Variants in KCND2 observed in about 807,000 individuals in gnomAD.
KCND2 encodes the protein potassium voltage-gated channel subfamily D member 2.
KCND2 carries 16 observed loss-of-function variants against 54.4 expected under a neutral mutation model. The observed-to-expected ratio is 0.29, with a 90% confidence interval of 0.20 to 0.45. The LOEUF (loss-of-function observed/expected upper bound fraction) is 0.45. Among genes scored for constraint, KCND2 ranks in the 20% least tolerant of loss-of-function variants. The probability of loss-of-function intolerance (pLI) is 1.00; values close to 1 mark genes in which losing one functional copy is unlikely to be tolerated. For missense variants in KCND2, 486 were observed against 824.2 expected, an observed-to-expected ratio of 0.59 and a Z score of 5.02; for synonymous variants, 317 against 310.7, an observed-to-expected ratio of 1.02 and a Z score of -0.21.
chr7:120,632,028 C>T (rs779288587), intron 1 of KCND2, among the ~76,000 whole-genome samples: 6 of 152,094 alleles, frequency 3.9e-5, no homozygotes, highest in Non-Finnish European at 7.4e-5. Flanking sequence ...AGGTTCTTGT[C>T]ATTACTCTAA....
chr7:120,677,611 G>A (rs1046923043), intron 1 of KCND2, among the ~76,000 whole-genome samples: 3 of 150,708 alleles, frequency 2.0e-5, no homozygotes, highest in African/African-American at 7.3e-5. Flanking sequence ...TAATTTAACT[G>A]TTACTTTAAA....
chr7:120,340,554 G>A (rs1200735993), intron 1 of KCND2, among the ~76,000 whole-genome samples: 1 of 152,184 alleles, frequency 6.6e-6, no homozygotes, highest in Non-Finnish European at 1.5e-5. Flanking sequence ...TAATAACGTG[G>A]TTAGAAGAGA....
chr7:120,706,212 T>A (rs1792466630), intron 1 of KCND2, among the ~76,000 whole-genome samples: 1 of 152,162 alleles, frequency 6.6e-6, no homozygotes, highest in Non-Finnish European at 1.5e-5. Flanking sequence ...CAGGGTTGGA[T>A]ACAGCTTTTG....
intron 1 of KCND2, among the ~76,000 whole-genome samples, chr7:120,396,579 T>A (rs1801158487): frequency 1.3e-5 from 2 of 152,044 alleles, no homozygotes; most frequent in South Asian, 4.1e-4. Flanking sequence ...TTATTATTTG[T>A]GAGTTTCTAC....
intron 1 of KCND2, among the ~76,000 whole-genome samples, chr7:120,423,270 C>T (rs1026390919): frequency 3.3e-5 from 5 of 152,176 alleles, no homozygotes; most frequent in Admixed American, 6.5e-5. Context: ...TGATTAGTCT[C>T]GTTGCCTTCT....
intron 1 of KCND2, chr7:120,464,120 A>C (rs1802331465): frequency 1.0e-6 from 1 of 969,148 alleles, no homozygotes; most frequent in Non-Finnish European, 1.2e-6. Context: ...CCCCCTAGCT[A>C]TCATTTAGAC....
At chr7:120,340,802 T>A (rs1232975311) in intron 1 of KCND2, among the ~76,000 whole-genome samples, 1 of 152,148 alleles carries the variant, frequency 6.6e-6, no homozygotes, top group African/African-American at 2.4e-5. Flanking sequence ...TGGTCAACAC[T>A]CTCTAGCTAT....
chr7:120,435,200 G>A (rs149912438), intron 1 of KCND2, among the ~76,000 whole-genome samples: 4,463 of 151,512 alleles, frequency 0.029, 189 homozygotes, highest in African/African-American at 0.1. Flanking sequence ...ACCACCTCCC[G>A]GGTTCAAGTG....
At chr7:120,326,663 A>G (rs982018417) in intron 1 of KCND2, among the ~76,000 whole-genome samples, 3 of 152,122 alleles carry the variant, frequency 2.0e-5, no homozygotes, top group African/African-American at 7.2e-5. Flanking sequence ...CAAAATAAAT[A>G]TTAATATTTT....
chr7:120,360,183 A>G (rs1451206409), intron 1 of KCND2, among the ~76,000 whole-genome samples: 1 of 152,108 alleles, frequency 6.6e-6, no homozygotes, highest in Admixed American at 6.6e-5. Flanking sequence ...GCTCATTTTC[A>G]CTAAAAATTA....
intron 1 of KCND2, among the ~76,000 whole-genome samples, chr7:120,365,254 G>C (rs989326669): frequency 3.3e-4 from 50 of 151,622 alleles, no homozygotes; most frequent in African/African-American, 1.2e-3. Context: ...AGGGACGGGC[G>C]AGCTAATTCA....
chr7:120,588,219 G>T (rs1263072687), intron 1 of KCND2, among the ~76,000 whole-genome samples: 1 of 151,980 alleles, frequency 6.6e-6, no homozygotes. Context: ...GCATCCCTTG[G>T]CTTTATAGTC....
At chr7:120,377,872 A>G (rs1453154071) in intron 1 of KCND2, among the ~76,000 whole-genome samples, 1 of 151,866 alleles carries the variant, frequency 6.6e-6, no homozygotes, top group Non-Finnish European at 1.5e-5. Flanking sequence ...GTCCTCAGCA[A>G]TGCCTTCTGT....
chr7:120,596,258 G>T (rs1407610721), intron 1 of KCND2, among the ~76,000 whole-genome samples: 1 of 152,090 alleles, frequency 6.6e-6, no homozygotes, highest in Non-Finnish European at 1.5e-5. Flanking sequence ...GCCCATCACT[G>T]CCAGATTGTT....
At chr7:120,380,239 A>G (rs1378303060) in intron 1 of KCND2, among the ~76,000 whole-genome samples, 1 of 152,118 alleles carries the variant, frequency 6.6e-6, no homozygotes, top group African/African-American at 2.4e-5. Context: ...TACTAACATA[A>G]TCATTAATAA....
chr7:120,707,146 A>G (rs1024611311), intron 1 of KCND2, among the ~76,000 whole-genome samples: 3 of 152,166 alleles, frequency 2.0e-5, no homozygotes, highest in Non-Finnish European at 4.4e-5. Flanking sequence ...TTTAACATCA[A>G]TTAGAACTGA....
intron 1 of KCND2, among the ~76,000 whole-genome samples, chr7:120,467,172 A>G (rs962764954): frequency 6.6e-6 from 1 of 152,148 alleles, no homozygotes; most frequent in African/African-American, 2.4e-5. Flanking sequence ...ACTGTATATT[A>G]AAAAGGAAAA....
At position 120,627,821 on chromosome 7, in the gene KCND2, G is replaced by T. The variant is rs537426943; in HGVS notation, c.1116-105082G>T. Among the ~76,000 whole-genome samples the T allele has an allele frequency of 2.0e-5, 3 of 151,450 alleles. No homozygotes were observed. In the East Asian group the frequency reaches 5.8e-4, roughly 29 times the overall value. On this transcript the variant is annotated intron_variant, in intron 1 of 5. Coordinates refer to ENST00000331113, the MANE Select transcript of KCND2 (RefSeq NM_012281.3). ...ATTTTAGGTGAATTTATAATACATA[G>T]AACACATATATGGATTATATATAAT...
chr7:120,451,800 C>T (rs1478381627), intron 1 of KCND2, among the ~76,000 whole-genome samples: 1 of 152,176 alleles, frequency 6.6e-6, no homozygotes, highest in Admixed American at 6.5e-5. Flanking sequence ...CGTGTGTTCT[C>T]AACTCTTGAT....
Sources: allele counts gnomAD v4.1 joint callset (sites outside exome capture counted in the v4.1 genomes callset), GRCh38; gene constraint gnomAD v4.1.1; transcripts MANE v1.5; gene names NCBI Gene and HGNC (gene_info 2026-07-23, HGNC 2026-07-21).